Variants in CAMTA1 observed in about 807,000 individuals in gnomAD.
The protein encoded by CAMTA1 is calmodulin binding transcription activator 1.
In CAMTA1, 27 loss-of-function variants were observed where a neutral mutation model predicts 170.9. The observed-to-expected ratio is 0.16, with a 90% CI of 0.12 to 0.22. CAMTA1 has a LOEUF of 0.22. Ranked by LOEUF, CAMTA1 falls within the 10% of genes least tolerant of loss-of-function variation. The pLI, the probability that CAMTA1 is intolerant of heterozygous loss-of-function variation, is 1.00. For synonymous variants in CAMTA1, 833 were observed against 891.5 expected (o/e 0.93, Z 1.17); for missense variants, 1,619 against 2,217.2 (o/e 0.73, Z 5.42).
chr1:7,284,744 G>A lies in CAMTA1; in HGVS notation c.438+35118G>A, dbSNP rs569953151. 3.9e-3 allele frequency among the ~76,000 whole-genome samples: 589 copies of A among 152,266 alleles called. 3 individuals are homozygous for A. The highest frequency in any genetic ancestry group is 6.8e-3 in the Non-Finnish European group (463 of 68,016). Reference sequence around the variant, plus strand: ...CCCACCCACCACAAGGCCTTTGCACGTGTTCTGCTCCTGCCTGGAACACTT... The same window carrying A: ...CCCACCCACCACAAGGCCTTTGCACATGTTCTGCTCCTGCCTGGAACACTT... On this transcript the variant is annotated intron_variant, in intron 5 of 22. Transcript: ENST00000303635.
intron 5 of CAMTA1, among the ~76,000 whole-genome samples, chr1:7,355,313 G>C (rs1382762652): frequency 6.6e-6 from 1 of 151,580 alleles, no homozygotes; most frequent in African/African-American, 2.4e-5. Context: ...GGCCCGGAGG[G>C]GGTCAAGGCT....
At chr1:7,417,503 C>T (rs1005974342) in intron 5 of CAMTA1, among the ~76,000 whole-genome samples, 14 of 152,236 alleles carry the variant, frequency 9.2e-5, no homozygotes, top group East Asian at 3.9e-4. Context: ...AGCCTTGTGC[C>T]GCCTTGCAGT....
chr1:7,004,139 A>G (rs1014490212), intron 3 of CAMTA1, among the ~76,000 whole-genome samples: 3 of 152,266 alleles, frequency 2.0e-5, no homozygotes, highest in Non-Finnish European at 4.4e-5. Context: ...TAGGTGGATC[A>G]CCTTATAAAC....
rs1004543232 is a variant in CAMTA1, at chr1:7,216,009, A to T, written c.303-33482A>T. ...ATGAAGAACTACCTGAGACTGGGTC[A>T]TTTATAAAGACAAGAAGTTTAATTG... is the stretch of plus-strand genomic sequence containing the variant. On this transcript the variant is annotated intron_variant, in intron 4 of 22. Transcript: ENST00000303635. This position sits in a 1 kb window ranked among gnomAD's most constrained non-coding sequence, Gnocchi z 4.0. Among the ~76,000 whole-genome samples, 1 of 152,206 alleles carries T rather than the reference A, an allele frequency of 6.6e-6. No homozygotes were observed.
intron 2 of CAMTA1, 37 bp downstream of exon 2, chr1:6,820,287 G>C: frequency 6.2e-7 from 1 of 1,612,762 alleles, no homozygotes; most frequent in Non-Finnish European, 8.5e-7. Flanking sequence ...ACAGGAAGGG[G>C]TGGGCTTGGC....
At chr1:7,410,421 G>A (rs2090632704) in intron 5 of CAMTA1, among the ~76,000 whole-genome samples, 1 of 152,238 alleles carries the variant, frequency 6.6e-6, no homozygotes, top group Non-Finnish European at 1.5e-5. Context: ...GTCGTCAGGA[G>A]CCCACGTGGG....
At chr1:7,613,414 G>T (rs2095536934) in intron 6 of CAMTA1, among the ~76,000 whole-genome samples, 1 of 152,120 alleles carries the variant, frequency 6.6e-6, no homozygotes, top group Admixed American at 6.6e-5. Flanking sequence ...GCCCAGCCTG[G>T]CCTGGGTGGT....
chr1:7,156,492 C>A (rs959170874), intron 4 of CAMTA1, among the ~76,000 whole-genome samples: 1 of 152,162 alleles, frequency 6.6e-6, no homozygotes, highest in African/African-American at 2.4e-5. Flanking sequence ...ACTGAATTCC[C>A]TTCAAAATGA....
At position 6,887,874 on chromosome 1, in the gene CAMTA1, G is replaced by C. The variant is rs1319261523; in HGVS notation, c.234+62664G>C. The C allele has an allele frequency of 1.4e-6, 2 of 1,417,484 alleles. No individual in the cohort carries two copies. The highest frequency in any genetic ancestry group is 1.8e-6 in the Non-Finnish European group (2 of 1,086,908). 87.8% of individuals were successfully genotyped at this position (1,417,484 alleles called of 1,614,324 possible). A position where few individuals can be genotyped will look rare whatever the true frequency, so the allele number is the denominator to read the frequency against. On this transcript the variant is annotated intron_variant, in intron 3 of 22. Transcript: ENST00000303635. This position sits in a 1 kb window ranked among gnomAD's most constrained non-coding sequence, Gnocchi z 4.1. ...ACCGAATGTTACTAAAAATGAAATA[G>C]AATAAAGTGACCTACTCTTGCCTCA...
At chr1:6,823,332 A>G (rs191427116) in intron 2 of CAMTA1, among the ~76,000 whole-genome samples, 55 of 152,292 alleles carry the variant, frequency 3.6e-4, no homozygotes, top group African/African-American at 1.3e-3. Flanking sequence ...TAATTCATAC[A>G]GAACTTTCTA....
At chr1:7,034,111 A>G (rs989355858) in intron 3 of CAMTA1, among the ~76,000 whole-genome samples, 1 of 152,194 alleles carries the variant, frequency 6.6e-6, no homozygotes, top group African/African-American at 2.4e-5. Flanking sequence ...TGTTAGCGGA[A>G]ACAGGCACTA....
At chr1:7,457,310 T>C (rs2092980321) in intron 5 of CAMTA1, among the ~76,000 whole-genome samples, 1 of 152,108 alleles carries the variant, frequency 6.6e-6, no homozygotes, top group Middle Eastern at 3.2e-3. Context: ...ATCTAAAAAT[T>C]CATTGAATTT....
intron 22 of CAMTA1, among the ~76,000 whole-genome samples, chr1:7,759,791 T>C (rs1181435448): frequency 6.6e-6 from 1 of 152,236 alleles, no homozygotes; most frequent in Non-Finnish European, 1.5e-5. Context: ...AACAGATTTA[T>C]CCTCAAGGTA....
chr1:7,079,986 A>C (rs542349931), intron 3 of CAMTA1, among the ~76,000 whole-genome samples: 4 of 152,368 alleles, frequency 2.6e-5, no homozygotes, highest in Admixed American at 1.3e-4. Context: ...TACATCTTGA[A>C]TATGGTGATA....
At chr1:7,205,120 C>T (rs1343902617) in intron 4 of CAMTA1, among the ~76,000 whole-genome samples, 5 of 150,754 alleles carry the variant, frequency 3.3e-5, no homozygotes, top group African/African-American at 7.3e-5. Context: ...TGAGCCACCG[C>T]GCCCGGCCCA....
At chr1:7,406,699 T>G (rs894733673) in intron 5 of CAMTA1, among the ~76,000 whole-genome samples, 13 of 151,890 alleles carry the variant, frequency 8.6e-5, no homozygotes, top group Non-Finnish European at 4.4e-5. Flanking sequence ...CAAGCAGGGC[T>G]TACGTGTAAA....
chr1:6,944,498 C>T (rs1457730265), intron 3 of CAMTA1, among the ~76,000 whole-genome samples: 4 of 152,268 alleles, frequency 2.6e-5, no homozygotes, highest in South Asian at 4.1e-4. Context: ...TGCTCAGACA[C>T]ATGGGCACAC....
chr1:6,934,867 C>G lies in CAMTA1; in HGVS notation c.234+109657C>G, dbSNP rs1027505465. On this transcript the variant is annotated intron_variant, in intron 3 of 22. Coordinates refer to ENST00000303635, the MANE Select transcript of CAMTA1 (RefSeq NM_015215.4). The surrounding 1 kb of genome is among the most constrained non-coding windows in gnomAD (Gnocchi z 4.5). ...TGAGGCTTCCCCTGGGGAGAAGGAG[C>G]TGTTAAACTGTCAAAATAAAAAGTC... Among the ~76,000 whole-genome samples, 6 of 152,178 alleles carry G rather than the reference C, an allele frequency of 3.9e-5. No homozygotes were observed. The highest frequency in any genetic ancestry group is 1.4e-4 in the African/African-American group (6 of 41,434).
At position 6,888,005 on chromosome 1, in the gene CAMTA1, C is replaced by T. The variant is rs1673690146; in HGVS notation, c.234+62795C>T. The T allele has an allele frequency of 7.0e-6, 8 of 1,144,234 alleles. No homozygotes were observed. In the South Asian group the frequency reaches 1.7e-4, roughly 25 times the overall value. The allele number at this position is 1,144,234 out of a possible 1,614,324, so 70.9% of individuals were successfully genotyped here. ...AGGCCTCCGTGACCATCCATGATGCCACTCTGTCCCCTCAGCAAGCTGCCT... is the reference window on the plus strand; with the variant it reads ...AGGCCTCCGTGACCATCCATGATGCTACTCTGTCCCCTCAGCAAGCTGCCT... On this transcript the variant is annotated intron_variant, in intron 3 of 22. Transcript: ENST00000303635.
Sources: allele counts gnomAD v4.1 joint callset (sites outside exome capture counted in the v4.1 genomes callset), GRCh38; gene constraint gnomAD v4.1.1; non-coding constraint Gnocchi (gnomAD v3.1); transcripts MANE v1.5; gene names NCBI Gene and HGNC (gene_info 2026-07-23, HGNC 2026-07-21).